The following MAST2 variants were observed in gnomAD, a reference collection of about 807,000 sequenced individuals.
MAST2 encodes the protein microtubule-associated serine/threonine-protein kinase 2.
In MAST2, 70 loss-of-function variants were observed where a neutral mutation model predicts 147.4. The observed-to-expected ratio is 0.47, with a 90% CI of 0.39 to 0.58. The LOEUF is 0.58. Ranked by LOEUF, MAST2 falls within the 20% of genes least tolerant of loss-of-function variation. MAST2 has a pLI of 0.00. For synonymous variants in MAST2, 869 were observed against 896.8 expected, an observed-to-expected ratio of 0.97 and a Z score of 0.55; for missense variants, 2,080 against 2,302.3, an observed-to-expected ratio of 0.90 and a Z score of 1.98.
chr1:45,844,857 T>A (rs1048924886), intron 3 of MAST2, among the ~76,000 whole-genome samples: 2 of 152,136 alleles, frequency 1.3e-5, no homozygotes, highest in African/African-American at 4.8e-5. Context: ...GAATCAAGGT[T>A]TATTTCTTAG....
chr1:46,009,240 A>G (rs532495332), intron 9 of MAST2, among the ~76,000 whole-genome samples: 1 of 152,160 alleles, frequency 6.6e-6, no homozygotes, highest in African/African-American at 2.4e-5. Flanking sequence ...TTTTTAGTAG[A>G]GATGGGTTTT....
chr1:45,986,483 A>T (rs1436619394), intron 5 of MAST2, among the ~76,000 whole-genome samples: 1 of 152,160 alleles, frequency 6.6e-6, no homozygotes, highest in African/African-American at 2.4e-5. Context: ...TGGGAGGCCG[A>T]GGCGGGCGGA....
Position 46,027,775 on chromosome 1 carries a change from G to C in MAST2, c.1964G>C (p.Gly655Ala). The change falls in exon 17 of 29, where the codon GGA becomes GCA. Residue 655 changes from glycine (G) to alanine (A), a missense_variant. By Grantham distance (60) the Gly-to-Ala change is moderately conservative. This residue lies in a region of MAST2 where 209 missense variants were observed against 309.5 expected (regional missense o/e 0.68). Transcript: ENST00000361297. Reference protein sequence around the residue: ...SMGHIKLTDFGLSKIGLMSLT... With the variant: ...SMGHIKLTDFALSKIGLMSLT... The stretch of plus-strand genomic sequence containing the variant: ...GGGCACATCAAGCTCACGGACTTTG[G>C]ACTGTCCAAAATTGGCCTCATGAGT... The C allele has an allele frequency of 6.2e-7, 1 of 1,614,112 alleles. No homozygotes were observed. Among genetic ancestry groups the C allele is most frequent in the African/African-American group, 1.3e-5 (1 of 75,048 alleles).
chr1:46,012,633 CTT>C (rs909191845), intron 10 of MAST2, among the ~76,000 whole-genome samples: 9 of 152,250 alleles, frequency 5.9e-5, no homozygotes, highest in African/African-American at 1.9e-4. Context: ...TATGCTGACT[CTT>C]TGTGGAAAGT....
chr1:45,939,980 GTTTTTTT>G lies in MAST2; in HGVS notation c.501-19391_501-19385del, dbSNP rs1174123217. Among the ~76,000 whole-genome samples the G allele has an allele frequency of 3.3e-4, 32 of 97,288 alleles. 1 individual carries two copies. Among genetic ancestry groups the G allele is most frequent in the Non-Finnish European group, 5.7e-4 (29 of 51,036 alleles). 63.8% of individuals were successfully genotyped at this position (97,288 alleles called of 152,430 possible). A position where few individuals can be genotyped will look rare whatever the true frequency, so the allele number is the denominator to read the frequency against. ...AACGGAAGTTCTCTATTTATTTAGG[GTTTTTTT>G]TTTTTTTTTTTTTTGAGATGGAGTT... On this transcript the variant is annotated intron_variant, in intron 4 of 28. Coordinates refer to ENST00000361297, the MANE Select transcript of MAST2 (RefSeq NM_015112.3).
rs770764191 is a variant in MAST2, at chr1:46,006,393, C to T, written c.900C>T (p.Leu300=). 9 of 1,611,800 alleles carry T rather than the reference C, an allele frequency of 5.6e-6. No homozygotes were observed. In the South Asian group the frequency reaches 7.7e-5, roughly 14 times the overall value. ...SPAMRPRSRS[L]SPGRSPVSFD... ...CCATGCGGCCTCGCTCCCGGAGCCT[C>T]AGGTGAGGGTGCTCTCTGCCCACTG... is the stretch of plus-strand genomic sequence containing the variant. Residue 300 remains leucine, a splice_region_variant and synonymous_variant, in exon 8 of 29, where the codon CTC becomes CTT. Transcript: ENST00000361297.
intron 3 of MAST2, among the ~76,000 whole-genome samples, chr1:45,877,087 T>G (rs1291168437): frequency 6.6e-6 from 1 of 152,170 alleles, no homozygotes; most frequent in Non-Finnish European, 1.5e-5. Flanking sequence ...TACCACAGAT[T>G]GGATCATTTA....
chr1:45,987,754 C>A, intron 5 of MAST2, among the ~76,000 whole-genome samples: 1 of 77,684 alleles, frequency 1.3e-5, no homozygotes, highest in Non-Finnish European at 2.7e-5. Context: ...AAAGTGAGAG[C>A]ATTTCTTGTT....
intron 1 of MAST2, among the ~76,000 whole-genome samples, chr1:45,812,022 G>A (rs891180347): frequency 1.3e-5 from 2 of 151,992 alleles, no homozygotes; most frequent in Non-Finnish European, 2.9e-5. Flanking sequence ...TGCCCGCCTT[G>A]GCCTCCCAAA....
chr1:45,942,750 G>A (rs570907677), intron 4 of MAST2, among the ~76,000 whole-genome samples: 1 of 152,314 alleles, frequency 6.6e-6, no homozygotes, highest in East Asian at 1.9e-4. Flanking sequence ...GCTGTCTCTA[G>A]TGATAAGAAT....
intron 4 of MAST2, among the ~76,000 whole-genome samples, chr1:45,923,228 G>A (rs1653816951): frequency 6.6e-6 from 1 of 152,124 alleles, no homozygotes; most frequent in Non-Finnish European, 1.5e-5. Context: ...AGGGCAGTGG[G>A]CCTGTAGGGG....
intron 5 of MAST2, among the ~76,000 whole-genome samples, chr1:45,990,983 T>C (rs551257646): frequency 3.4e-4 from 52 of 152,322 alleles, no homozygotes; most frequent in Middle Eastern, 6.8e-3. Flanking sequence ...TCCTATGTTA[T>C]CATATACAAG....
chr1:45,839,239 C>T (rs1434170434), intron 3 of MAST2, among the ~76,000 whole-genome samples: 1 of 150,852 alleles, frequency 6.6e-6, no homozygotes, highest in African/African-American at 2.4e-5. Flanking sequence ...AGTGATTCTG[C>T]TGCCTCAGCC....
At position 46,035,175 on chromosome 1, in the gene MAST2, C is replaced by T. The variant is rs1484291007; in HGVS notation, c.4506C>T (p.Asp1502=). The T allele has an allele frequency of 1.2e-6, 2 of 1,613,834 alleles. No homozygotes were observed. Among genetic ancestry groups the T allele is most frequent in the Admixed American group, 3.3e-5 (2 of 60,012 alleles). ...AGCAAGAAGCCATTCGTGAGGTGGA[C>T]TCCTCAGAGGACGACACCGAGGAAG... ...LQKQEAIREV[D]SSEDDTEEGP... is the part of the protein sequence containing the mutation. The change falls in exon 29 of 29, where the codon GAC becomes GAT. Residue 1502 remains aspartate (D), a synonymous_variant. Coordinates refer to ENST00000361297, the MANE Select transcript of MAST2 (RefSeq NM_015112.3). This position sits in a 1 kb window ranked among gnomAD's most constrained non-coding sequence, Gnocchi z 5.5.
At chr1:45,959,783 G>A (rs972343592) in intron 5 of MAST2, among the ~76,000 whole-genome samples, 19 of 152,104 alleles carry the variant, frequency 1.2e-4, no homozygotes, top group African/African-American at 4.1e-4. Flanking sequence ...AGCTCCATTC[G>A]TCTTGGGTCA....
chr1:45,851,156 G>A (rs1645611711), intron 3 of MAST2, among the ~76,000 whole-genome samples: 2 of 151,988 alleles, frequency 1.3e-5, no homozygotes, highest in Non-Finnish European at 2.9e-5. Context: ...AGTGTTTGTA[G>A]TTCTCCTTGT....
chr1:45,809,821 C>T (rs1454138179), intron 1 of MAST2, among the ~76,000 whole-genome samples: 5 of 152,124 alleles, frequency 3.3e-5, no homozygotes, highest in African/African-American at 9.7e-5. Flanking sequence ...AGCTTAGGTT[C>T]CAAGAGATCA....
rs111641038 is a variant in MAST2, at chr1:45,883,915, C to T, written c.500+1520C>T. On this transcript the variant is annotated intron_variant, in intron 4 of 28. Transcript: ENST00000361297. ...TGGTCATTTTTCTACTATTTCTGCC[C>T]CCCCCGCTTTTTTTTGGTTGCTTCT... is the stretch of plus-strand genomic sequence containing the variant. Among the ~76,000 whole-genome samples, 49 of 27,684 alleles carry T rather than the reference C, an allele frequency of 1.8e-3. 1 individual carries two copies. The highest frequency in any genetic ancestry group is 8.9e-3 in the East Asian group (3 of 338). 18.2% of individuals were successfully genotyped at this position (27,684 alleles called of 152,430 possible).
intron 4 of MAST2, among the ~76,000 whole-genome samples, chr1:45,951,736 A>G (rs1658959941): frequency 6.6e-6 from 1 of 152,264 alleles, no homozygotes; most frequent in African/African-American, 2.4e-5. Context: ...TAAATAATAG[A>G]GCTGTGGACA....
Sources: allele counts gnomAD v4.1 joint callset (sites outside exome capture counted in the v4.1 genomes callset), GRCh38; gene constraint gnomAD v4.1.1; regional missense constraint gnomAD v4.1.1; non-coding constraint Gnocchi (gnomAD v3.1); transcripts MANE v1.5; gene names NCBI Gene and HGNC (gene_info 2026-07-23, HGNC 2026-07-21).